The following CADPS2 variants were observed in gnomAD, a reference collection of about 807,000 sequenced individuals.
The protein encoded by CADPS2 is calcium-dependent secretion activator 2.
Under a neutral mutation model 172.5 loss-of-function variants are expected in CADPS2, and 93 were observed. That is an observed-to-expected ratio of 0.54 (90% confidence interval 0.46 to 0.64). The LOEUF is 0.64. CADPS2 is among the 30% of genes least tolerant of loss of function. The probability of loss-of-function intolerance (pLI) is 0.00; values close to 1 mark genes in which losing one functional copy is unlikely to be tolerated. For missense variants in CADPS2, 1,420 were observed against 1,565.9 expected, an observed-to-expected ratio of 0.91 and a Z score of 1.57; for synonymous variants, 546 against 555.2, an observed-to-expected ratio of 0.98 and a Z score of 0.23.
At chr7:122,830,330 T>C (rs1219473262) in intron 1 of CADPS2, among the ~76,000 whole-genome samples, 1 of 152,116 alleles carries the variant, frequency 6.6e-6, no homozygotes, top group South Asian at 2.1e-4. Flanking sequence ...ACAAATGGCA[T>C]TCCATTCATT....
At chr7:122,397,708 C>G (rs1444112603) in intron 20 of CADPS2, among the ~76,000 whole-genome samples, 3 of 152,098 alleles carry the variant, frequency 2.0e-5, no homozygotes, top group African/African-American at 7.2e-5. Context: ...TCTATCTTCT[C>G]CATATGGTTT....
intron 2 of CADPS2, among the ~76,000 whole-genome samples, chr7:122,711,579 C>A (rs1042014055): frequency 2.6e-5 from 4 of 152,098 alleles, no homozygotes; most frequent in Non-Finnish European, 5.9e-5. Flanking sequence ...ATCCTGCAGT[C>A]CCCACAAAGC....
intron 1 of CADPS2, among the ~76,000 whole-genome samples, chr7:122,758,669 A>G (rs760265130): frequency 6.6e-6 from 1 of 152,182 alleles, no homozygotes; most frequent in Non-Finnish European, 1.5e-5. Context: ...CCAAGGAAGA[A>G]GTGATTTGCA....
intron 11 of CADPS2, among the ~76,000 whole-genome samples, chr7:122,481,811 G>C (rs910393284): frequency 2.0e-5 from 3 of 152,154 alleles, no homozygotes; most frequent in Non-Finnish European, 4.4e-5. Context: ...AGGAGTTTGA[G>C]ACTAGCCTGG....
intron 17 of CADPS2, among the ~76,000 whole-genome samples, chr7:122,434,164 T>A (rs2050340116): frequency 6.6e-6 from 1 of 152,184 alleles, no homozygotes; most frequent in Non-Finnish European, 1.5e-5. Context: ...AGCATCGGAT[T>A]GTTGCTATTA....
rs533804248 is a variant in CADPS2, at chr7:122,549,368, A to C, written c.1475+5182T>G. Among the ~76,000 whole-genome samples, 15 of 152,310 alleles carry C rather than the reference A, an allele frequency of 9.8e-5. No individual in the cohort carries two copies. In the South Asian group the frequency reaches 3.1e-3, roughly 32 times the overall value. On this transcript the variant is annotated intron_variant, in intron 8 of 29. Transcript: ENST00000449022. ...AAAAAATCAAGGATTGATAAACCTA[A>C]ACAGCTGACTCAATACTTACCGTCT...
At chr7:122,367,379 T>TC (rs1181523442) in intron 25 of CADPS2, among the ~76,000 whole-genome samples, 1 of 151,676 alleles carries the variant, frequency 6.6e-6, no homozygotes, top group African/African-American at 2.4e-5. Context: ...CTAAATCCTT[T>TC]TTTTTTGGCA....
chr7:122,445,398 T>A (rs952962985), intron 15 of CADPS2, among the ~76,000 whole-genome samples: 5 of 152,196 alleles, frequency 3.3e-5, no homozygotes, highest in Non-Finnish European at 7.3e-5. Context: ...CTATTCAGTG[T>A]ACATGTTTTA....
chr7:122,570,417 A>G (rs1468640854), intron 7 of CADPS2, among the ~76,000 whole-genome samples: 29 of 148,384 alleles, frequency 2.0e-4, no homozygotes, highest in Non-Finnish European at 3.0e-4. Flanking sequence ...AAATAGGAAC[A>G]CTTTTACACT....
At chr7:122,484,190 G>A (rs892183041) in intron 11 of CADPS2, among the ~76,000 whole-genome samples, 2 of 152,098 alleles carry the variant, frequency 1.3e-5, no homozygotes, top group Non-Finnish European at 2.9e-5. Flanking sequence ...ATAGAGAAAT[G>A]CAAAGGACAT....
At chr7:122,786,458 A>C (rs1794065134) in intron 1 of CADPS2, among the ~76,000 whole-genome samples, 1 of 152,230 alleles carries the variant, frequency 6.6e-6, no homozygotes, top group African/African-American at 2.4e-5. Context: ...AGGAGGGTGA[A>C]TAGAGAGTGG....
At position 122,491,423 on chromosome 7, in the gene CADPS2, G is replaced by A. The variant is rs765554126; in HGVS notation, c.1543-3C>T. 3 of 1,548,824 alleles carry A rather than the reference G, an allele frequency of 1.9e-6. No homozygotes were observed. The highest frequency in any genetic ancestry group is 2.8e-5 in the African/African-American group (2 of 72,006). On this transcript the variant is annotated splice_region_variant and splice_polypyrimidine_tract_variant and intron_variant, in intron 9 of 29. Coordinates refer to ENST00000449022, the MANE Select transcript of CADPS2 (RefSeq NM_017954.11). The stretch of plus-strand genomic sequence containing the variant: ...ATAGCAAAGGTATATTGGCTAACCT[G>A]CTCGAGAAAAAAAAAGTTTACAGAT...
chr7:122,528,753 C>T (rs953098258), intron 8 of CADPS2, among the ~76,000 whole-genome samples: 5 of 152,082 alleles, frequency 3.3e-5, no homozygotes, highest in African/African-American at 1.2e-4. Flanking sequence ...TTGACATTTA[C>T]ACAACATATT....
intron 28 of CADPS2, among the ~76,000 whole-genome samples, chr7:122,338,525 A>T (rs908775912): frequency 1.3e-5 from 2 of 152,358 alleles, no homozygotes; most frequent in South Asian, 2.1e-4. Context: ...ATGACATGGG[A>T]ATAATATTAG....
At chr7:122,565,118 CT>C (rs1239418811) in intron 7 of CADPS2, among the ~76,000 whole-genome samples, 1 of 151,888 alleles carries the variant, frequency 6.6e-6, no homozygotes, top group African/African-American at 2.4e-5. Context: ...AAATTACTTA[CT>C]CGATATGATG....
chr7:122,828,787 G>A (rs1289629883), intron 1 of CADPS2, among the ~76,000 whole-genome samples: 1 of 152,058 alleles, frequency 6.6e-6, no homozygotes, highest in African/African-American at 2.4e-5. Flanking sequence ...CTGGATAATA[G>A]CTTTACTGGA....
chr7:122,875,494 A>C (rs1051450621), intron 1 of CADPS2, among the ~76,000 whole-genome samples: 1 of 152,204 alleles, frequency 6.6e-6, no homozygotes, highest in African/African-American at 2.4e-5. Flanking sequence ...TGATTACTAT[A>C]ATAATGCTAA....
At chr7:122,372,951 A>G (rs1235340889) in intron 25 of CADPS2, among the ~76,000 whole-genome samples, 1 of 152,210 alleles carries the variant, frequency 6.6e-6, no homozygotes, top group Admixed American at 6.5e-5. Flanking sequence ...CTATGTTCCT[A>G]TCAGTGACTG....
intron 2 of CADPS2, among the ~76,000 whole-genome samples, chr7:122,690,816 A>G (rs2084251115): frequency 6.6e-6 from 1 of 152,232 alleles, no homozygotes; most frequent in Non-Finnish European, 1.5e-5. Context: ...AGTTTAGCTC[A>G]TTAGCTACTT....
Sources: gnomAD v4.1 joint callset for allele counts (sites outside exome capture counted in the v4.1 genomes callset) on GRCh38, gnomAD v4.1.1 for gene constraint, MANE v1.5 for transcripts, NCBI Gene and HGNC (gene_info 2026-07-23, HGNC 2026-07-21) for gene names.